The following POLA1 variants were observed in gnomAD, a reference collection of about 807,000 sequenced individuals.
POLA1 encodes DNA polymerase alpha 1, catalytic subunit.
POLA1 carries 15 observed loss-of-function variants against 124.0 expected under a neutral mutation model. The ratio of observed to expected loss-of-function variants is 0.12; its 90% CI spans 0.08 to 0.19. POLA1 has a LOEUF of 0.19. Among genes scored for constraint, POLA1 ranks in the 10% least tolerant of loss-of-function variants. POLA1 has a pLI of 1.00. For missense variants in POLA1, 886 were observed against 1,103.4 expected (o/e 0.80, Z 2.79); for synonymous variants, 408 against 389.4 (o/e 1.05, Z -0.56).
chrX:24,810,601 A>G, intron 27 of POLA1, 107 bp from the exon 28 acceptor site: 1 of 383,691 alleles, frequency 2.6e-6, no homozygotes, highest in Non-Finnish European at 4.6e-6. Flanking sequence ...AAACTTTTGA[A>G]AAGTCTGTGG....
At position 24,894,434 on chromosome X, in the gene POLA1, A is replaced by G. The variant is rs148401954; in HGVS notation, c.4164+6312A>G. 1.1e-4 allele frequency among the ~76,000 whole-genome samples: 12 copies of G among 112,573 alleles called. No homozygotes were observed. In the East Asian group the frequency reaches 3.3e-3, roughly 31 times the overall value. On this transcript the variant is annotated intron_variant, in intron 35 of 36. Transcript: ENST00000379068. ...ACCTAAGTGTAAGACTTCAGTAGGT[A>G]GTATATTAACAAAGTACTACAAACT...
chrX:24,748,030 G>A (rs752745577), intron 24 of POLA1, among the ~76,000 whole-genome samples: 9 of 111,690 alleles, frequency 8.1e-5, no homozygotes, highest in South Asian at 3.8e-4. Flanking sequence ...CACCGTGCCC[G>A]GCCAAATGTA....
chrX:24,919,690 T>A (rs2047582566), intron 35 of POLA1, among the ~76,000 whole-genome samples: 1 of 110,670 alleles, frequency 9.0e-6, no homozygotes, highest in Non-Finnish European at 1.9e-5. Flanking sequence ...GCAAGTTTGT[T>A]ACATGGGTAA....
intron 10 of POLA1, among the ~76,000 whole-genome samples, chrX:24,720,838 TTTAAA>T (rs1930157393): frequency 1.8e-5 from 2 of 112,574 alleles, no homozygotes; most frequent in Admixed American, 1.9e-4. Context: ...GCTCTTTACA[TTTAAA>T]TTAATTAAAA....
chrX:24,989,981 C>T (rs1185150942), intron 36 of POLA1, among the ~76,000 whole-genome samples: 3 of 111,685 alleles, frequency 2.7e-5, no homozygotes, highest in East Asian at 2.8e-4. Flanking sequence ...GCAGTTAAGG[C>T]GTACAATACT....
intron 35 of POLA1, among the ~76,000 whole-genome samples, chrX:24,898,299 C>T (rs919972029): frequency 1.8e-5 from 2 of 111,953 alleles, no homozygotes; most frequent in African/African-American, 3.2e-5. Context: ...CAATTCAAAG[C>T]GAGTCCATTT....
chrX:24,840,047 A>G (rs1282924222), intron 32 of POLA1, among the ~76,000 whole-genome samples: 1 of 112,287 alleles, frequency 8.9e-6, no homozygotes, highest in African/African-American at 3.2e-5. Context: ...ATAAGAATGT[A>G]TAGTGTCTTG....
At chrX:24,717,520 A>C (rs1350306926) in intron 9 of POLA1, 29 bp downstream of exon 9, 4 of 1,199,783 alleles carry the variant, frequency 3.3e-6, no homozygotes, top group Non-Finnish European at 4.5e-6. Context: ...TTTTCTGGCA[A>C]ATAGGACCAC....
chrX:24,844,978 C>T (rs1266769798), intron 34 of POLA1, among the ~76,000 whole-genome samples: 2 of 111,775 alleles, frequency 1.8e-5, no homozygotes, highest in African/African-American at 3.2e-5. Flanking sequence ...TTTAGTCTAT[C>T]AAGATCTTCA....
intron 26 of POLA1, among the ~76,000 whole-genome samples, chrX:24,755,529 T>A (rs1179259807): frequency 8.9e-6 from 1 of 111,923 alleles, no homozygotes; most frequent in East Asian, 2.8e-4. Flanking sequence ...AGATGTTCTA[T>A]TTTGTTGGAT....
At chrX:24,745,016 G>C (rs764365218) in intron 23 of POLA1, among the ~76,000 whole-genome samples, 2 of 94,982 alleles carry the variant, frequency 2.1e-5, no homozygotes, top group East Asian at 7.4e-4. Context: ...GGGTGGGAGA[G>C]TAGGTAGGAG....
chrX:24,953,963 C>T (rs1245301433), intron 36 of POLA1, among the ~76,000 whole-genome samples: 1 of 111,938 alleles, frequency 8.9e-6, no homozygotes, highest in African/African-American at 3.2e-5. Flanking sequence ...GTCCTAAAGA[C>T]CTCTAGTATG....
chrX:24,785,594 A>C (rs1305735771), intron 26 of POLA1, among the ~76,000 whole-genome samples: 2 of 112,617 alleles, frequency 1.8e-5, no homozygotes, highest in Non-Finnish European at 3.8e-5. Context: ...ATGTATGTTT[A>C]ATCCCTTTTT....
At chrX:24,876,688 G>C (rs867857832) in intron 34 of POLA1, among the ~76,000 whole-genome samples, 14 of 100,545 alleles carry the variant, frequency 1.4e-4, no homozygotes, top group Non-Finnish European at 2.0e-4. Context: ...GGTCGGGGGG[G>C]GGGATAGTGG....
chrX:24,877,147 C>T (rs574401673), intron 34 of POLA1, among the ~76,000 whole-genome samples: 1 of 111,550 alleles, frequency 9.0e-6, no homozygotes, highest in East Asian at 2.8e-4. Flanking sequence ...AGTTCTTGAT[C>T]GGGTTTGGGG....
chrX:24,697,441 T>G (rs923415475), intron 1 of POLA1, among the ~76,000 whole-genome samples: 10 of 112,281 alleles, frequency 8.9e-5, no homozygotes, highest in African/African-American at 3.2e-4. Flanking sequence ...CAAGTTTTTG[T>G]GGCTGTCATC....
chrX:24,848,991 T>C (rs1988328766), intron 34 of POLA1, among the ~76,000 whole-genome samples: 3 of 112,859 alleles, frequency 2.7e-5, no homozygotes, highest in South Asian at 7.2e-4. Context: ...AAATTTCTCA[T>C]TTCTTACCTG....
chrX:24,742,003 C>T lies in POLA1; in HGVS notation c.2348C>T (p.Ser783Phe), dbSNP rs367639262. 26 of 1,199,802 alleles carry T rather than the reference C, an allele frequency of 2.2e-5. No homozygotes were observed. In the African/African-American group the frequency reaches 3.9e-4, roughly 18 times the overall value. The change falls in exon 22 of 37, where the codon TCC (serine) becomes TTC (phenylalanine). Residue 783 changes from serine to phenylalanine, a missense_variant and splice_region_variant. Around this residue, in one of 7 missense-constraint regions of POLA1, gnomAD observed 182 missense variants for 252.8 expected, o/e 0.72. Coordinates refer to ENST00000379068, the MANE Select transcript of POLA1 (RefSeq NM_001330360.2). ...QITNIAGNIM[S>F]RTLMGGRSER... ...TAAAAAATAAATTCCATTTAATAGT[C>T]CAGGACGCTGATGGGTGGACGATCC...
intron 26 of POLA1, among the ~76,000 whole-genome samples, chrX:24,756,936 T>C (rs956356420): frequency 1.8e-5 from 2 of 111,591 alleles, no homozygotes; most frequent in Non-Finnish European, 3.8e-5. Flanking sequence ...TGAGTTCTAA[T>C]TCTGTCTCCA....
Sources: allele counts gnomAD v4.1 joint callset (sites outside exome capture counted in the v4.1 genomes callset), GRCh38; gene constraint gnomAD v4.1.1; regional missense constraint gnomAD v4.1.1; transcripts MANE v1.5; gene names NCBI Gene and HGNC (gene_info 2026-07-23, HGNC 2026-07-21).